The following ZNG1A variants were observed in gnomAD, a reference collection of about 807,000 sequenced individuals.
The protein encoded by ZNG1A is Zn regulated GTPase metalloprotein activator 1A.
chr9:171,992 T>G, the ZNG1A span: 4 of 1,596,986 alleles, frequency 2.5e-6, no homozygotes, highest in East Asian at 9.0e-5. Context: ...AACAAAAGCT[T>G]TAATCCTCAT....
chr9:151,252 TA>T, the ZNG1A span: 1 of 982,268 alleles, frequency 1.0e-6, no homozygotes, highest in East Asian at 1.2e-4. Flanking sequence ...GCCTAACACT[TA>T]TGGCAGTCTG....
chr9:153,920 G>A, the ZNG1A span: 6 of 152,090 alleles, frequency 3.9e-5, no homozygotes, highest in Admixed American at 6.6e-5. Context: ...AATAGCTACC[G>A]AATGTCTCTC....
At chr9:143,216 C>A in the ZNG1A span, among the ~76,000 whole-genome samples, 2 of 148,200 alleles carry the variant, frequency 1.3e-5, no homozygotes, top group East Asian at 4.1e-4. Context: ...CATCCTGATA[C>A]CAAAGCCAGG....
chr9:129,268 C>G, the ZNG1A span, among the ~76,000 whole-genome samples: 1 of 152,006 alleles, frequency 6.6e-6, no homozygotes, highest in Non-Finnish European at 1.5e-5. Flanking sequence ...TTAATCTCCA[C>G]TGTTACTAGT....
At chr9:168,771 C>T in the ZNG1A span, among the ~76,000 whole-genome samples, 1 of 149,092 alleles carries the variant, frequency 6.7e-6, no homozygotes, top group African/African-American at 2.6e-5. Context: ...GCTAAATCTC[C>T]TCTGCCTGTT....
chr9:143,192 G>T, the ZNG1A span, among the ~76,000 whole-genome samples: 9 of 149,052 alleles, frequency 6.0e-5, no homozygotes, highest in East Asian at 4.1e-4. Context: ...TAACTCATTT[G>T]ATGAGGCCAG....
chr9:138,667 G>C, the ZNG1A span, among the ~76,000 whole-genome samples: 2 of 144,934 alleles, frequency 1.4e-5, no homozygotes, highest in Non-Finnish European at 3.0e-5. Flanking sequence ...GGGAGGCTGA[G>C]GCATGAGGAT....
chr9:133,377 C>CACT, the ZNG1A span, among the ~76,000 whole-genome samples: 1 of 142,762 alleles, frequency 7.0e-6, no homozygotes, highest in Non-Finnish European at 1.5e-5. Flanking sequence ...TGCTTTAATA[C>CACT]ACTACACCAA....
chr9:140,240 C>G, the ZNG1A span, among the ~76,000 whole-genome samples: 728 of 152,020 alleles, frequency 4.8e-3, 8 homozygotes, highest in African/African-American at 0.017. Context: ...ACAGCAGTAA[C>G]CTCTGCAGAC....
chr9:125,020 G>A, the ZNG1A span, among the ~76,000 whole-genome samples: 36 of 152,270 alleles, frequency 2.4e-4, no homozygotes, highest in African/African-American at 8.7e-4. Flanking sequence ...ATAAACATGC[G>A]TGTGCACGTA....
chr9:141,453 T>C, the ZNG1A span, among the ~76,000 whole-genome samples: 12 of 149,746 alleles, frequency 8.0e-5, no homozygotes, highest in African/African-American at 2.2e-4. Context: ...GCTTCATAAG[T>C]GAAGGAGAAA....
At chr9:139,872 T>TC in the ZNG1A span, among the ~76,000 whole-genome samples, 1 of 151,086 alleles carries the variant, frequency 6.6e-6, no homozygotes, top group Non-Finnish European at 1.5e-5. Context: ...GTCAGGGAGT[T>TC]CCCTTTCCTA....
chr9:130,010 G>A, the ZNG1A span, among the ~76,000 whole-genome samples: 5 of 150,426 alleles, frequency 3.3e-5, no homozygotes, highest in Non-Finnish European at 5.9e-5. Flanking sequence ...ATATGTTACT[G>A]TACTGAACAG....
At chr9:177,511 G>T in the ZNG1A span, among the ~76,000 whole-genome samples, 1 of 151,534 alleles carries the variant, frequency 6.6e-6, no homozygotes, top group Admixed American at 6.6e-5. Flanking sequence ...ATGGACAAAG[G>T]GGGAAGGAGG....
At chr9:170,295 G>C in the ZNG1A span, among the ~76,000 whole-genome samples, 1 of 151,292 alleles carries the variant, frequency 6.6e-6, no homozygotes, top group African/African-American at 2.4e-5. Context: ...CTACCAAGTA[G>C]CACTGGCATA....
the ZNG1A span, among the ~76,000 whole-genome samples, chr9:174,514 T>A: frequency 7.2e-5 from 11 of 151,760 alleles, no homozygotes; most frequent in African/African-American, 2.7e-4. Flanking sequence ...CAGGAAAAAA[T>A]AAAGAAAATA....
chr9:163,135 A>T, the ZNG1A span, among the ~76,000 whole-genome samples: 1 of 152,050 alleles, frequency 6.6e-6, no homozygotes, highest in Non-Finnish European at 1.5e-5. Flanking sequence ...TAAATTTCTT[A>T]ATGATTATTA....
the ZNG1A span, among the ~76,000 whole-genome samples, chr9:126,943 C>T: frequency 6.6e-6 from 1 of 152,094 alleles, no homozygotes; most frequent in Non-Finnish European, 1.5e-5. Context: ...ATCTTTGACC[C>T]ACTGATCATT....
At chr9:127,058 T>C in the ZNG1A span, among the ~76,000 whole-genome samples, 1 of 152,198 alleles carries the variant, frequency 6.6e-6, no homozygotes, top group Non-Finnish European at 1.5e-5. Context: ...GATATAATTT[T>C]AATTTTCTTA....
Sources: gnomAD v4.1 joint callset for allele counts (sites outside exome capture counted in the v4.1 genomes callset) on GRCh38, gnomAD v4.1.1 for gene constraint, MANE v1.5 for transcripts, NCBI Gene and HGNC (gene_info 2026-07-23, HGNC 2026-07-21) for gene names.